The following ATF7IP variants were observed in gnomAD, a reference collection of about 807,000 sequenced individuals.
The protein encoded by ATF7IP is activating transcription factor 7-interacting protein 1.
In ATF7IP, 23 loss-of-function variants were observed where a neutral mutation model predicts 106.4. That is an observed-to-expected ratio of 0.22 (90% CI 0.16 to 0.31). The LOEUF is 0.31. Ranked by LOEUF, ATF7IP falls within the 10% of genes least tolerant of loss-of-function variation. The pLI is 1.00. For synonymous variants in ATF7IP, 542 were observed against 539.0 expected (o/e 1.01, Z -0.08); for missense variants, 1,334 against 1,524.3 (o/e 0.88, Z 2.08).
At chr12:14,438,074 T>C (rs1942497921) in intron 4 of ATF7IP, 56 bp from the exon 5 acceptor site, 1 of 1,559,706 alleles carries the variant, frequency 6.4e-7, no homozygotes, top group African/African-American at 1.4e-5. Context: ...ATATTTACTG[T>C]TTATTGCTTG....
intron 1 of ATF7IP, chr12:14,395,013 G>A (rs1939760334): frequency 6.6e-6 from 1 of 151,962 alleles, no homozygotes; most frequent in African/African-American, 2.4e-5. Context: ...TGTGGTAAAT[G>A]GGATGTATGC....
At chr12:14,493,550 G>A (rs577159380) in intron 13 of ATF7IP, among the ~76,000 whole-genome samples, 30 of 152,250 alleles carry the variant, frequency 2.0e-4, no homozygotes, top group African/African-American at 5.5e-4. Flanking sequence ...GTCAGGGAGT[G>A]GATGTTGCCA....
At chr12:14,412,381 A>G (rs922599202) in intron 1 of ATF7IP, among the ~76,000 whole-genome samples, 2 of 152,198 alleles carry the variant, frequency 1.3e-5, no homozygotes, top group Admixed American at 1.3e-4. Context: ...GAGTGTTGAC[A>G]TCTTAAGGAT....
At chr12:14,366,528 A>T (rs1938301877) in intron 1 of ATF7IP, among the ~76,000 whole-genome samples, 1 of 152,222 alleles carries the variant, frequency 6.6e-6, no homozygotes, top group Admixed American at 6.5e-5. Context: ...TCGAAAATGA[A>T]ATCTCAATCT....
chr12:14,374,972 A>G (rs1014249587), intron 1 of ATF7IP, among the ~76,000 whole-genome samples: 3 of 152,088 alleles, frequency 2.0e-5, no homozygotes, highest in African/African-American at 4.8e-5. Flanking sequence ...TCTTATTGAT[A>G]TATCTGACAA....
Position 14,497,948 on chromosome 12 carries a change from C to G in ATF7IP, c.3688C>G (p.Leu1230Val). 1 of 1,614,180 alleles carries G rather than the reference C, an allele frequency of 6.2e-7. No homozygotes were observed. Among genetic ancestry groups the G allele is most frequent in the Non-Finnish European group, 8.5e-7 (1 of 1,180,028 alleles). The change falls in exon 15 of 15, where the codon CTC becomes GTC. Residue 1230 changes from leucine to valine, a missense_variant. Leu to Val is a conservative substitution (Grantham distance 32). Around this residue, in one of 10 missense-constraint regions of ATF7IP, gnomAD observed 80 missense variants for 157.0 expected, o/e 0.51. Coordinates refer to ENST00000261168, the MANE Select transcript of ATF7IP (RefSeq NM_018179.5). ...KALPLPMACT[L>V]TQFVSGSKYY... ...ACTTCCCTTGCCCATGGCATGTACT[C>G]TCACCCAGTTTGTATCTGGTAGCAA...
rs551954517 is a variant in ATF7IP at position 14,404,062 on chromosome 12, C to T, written c.-7-19847C>T. Among the ~76,000 whole-genome samples the T allele has an allele frequency of 5.6e-4, 84 of 150,906 alleles. 2 individuals are homozygous for T. The highest frequency in any genetic ancestry group is 1.9e-3 in the African/African-American group (79 of 41,092). ...AGAGTCAGTTTTCAGAAATCTGGCTCATAAACATTGGTAATACTAACCCTA... is the reference window on the plus strand; with the variant it reads ...AGAGTCAGTTTTCAGAAATCTGGCTTATAAACATTGGTAATACTAACCCTA... On this transcript the variant is annotated intron_variant, in intron 1 of 14. Coordinates refer to ENST00000261168, the MANE Select transcript of ATF7IP (RefSeq NM_018179.5).
At chr12:14,369,828 G>A (rs1938461538) in intron 1 of ATF7IP, among the ~76,000 whole-genome samples, 1 of 151,934 alleles carries the variant, frequency 6.6e-6, no homozygotes, top group Non-Finnish European at 1.5e-5. Flanking sequence ...TGCTTTGGTA[G>A]CAAACAATTC....
intron 1 of ATF7IP, among the ~76,000 whole-genome samples, chr12:14,385,732 ATATAT>A (rs1224036472): frequency 6.6e-6 from 1 of 152,106 alleles, no homozygotes; most frequent in Non-Finnish European, 1.5e-5. Context: ...AATTAAAACA[ATATAT>A]TATCTGAATA....
chr12:14,430,824 C>T (rs901026649), intron 2 of ATF7IP, among the ~76,000 whole-genome samples: 2 of 152,168 alleles, frequency 1.3e-5, no homozygotes, highest in Non-Finnish European at 2.9e-5. Context: ...TTACATGTCA[C>T]ATAGCACTTA....
In ATF7IP at chr12:14,423,953, A is replaced by G. The variant is rs1358988895; in HGVS notation, c.38A>G (p.Lys13Arg). The change falls in exon 2 of 15, where the codon AAG (lysine) becomes AGG (arginine). Residue 13 changes from lysine to arginine, a missense_variant. Lys to Arg is a conservative substitution (Grantham distance 26). Coordinates refer to ENST00000261168, the MANE Select transcript of ATF7IP (RefSeq NM_018179.5). Reference sequence around the variant, plus strand: ...GAAGAACCTCAGAAAAAAGTCTTTAAGGCTCGAAAAACGATGAGAGTGAGT... The same window carrying G: ...GAAGAACCTCAGAAAAAAGTCTTTAGGGCTCGAAAAACGATGAGAGTGAGT... ...SLEEPQKKVF[K>R]ARKTMRVSDR... The G allele has an allele frequency of 6.2e-7, 1 of 1,611,046 alleles. No homozygotes were observed. Among genetic ancestry groups the G allele is most frequent in the African/African-American group, 1.3e-5 (1 of 74,646 alleles).
chr12:14,447,441 C>T (rs1003255898), intron 6 of ATF7IP, among the ~76,000 whole-genome samples: 4 of 151,934 alleles, frequency 2.6e-5, no homozygotes, highest in African/African-American at 9.7e-5. Flanking sequence ...ACCACCATGC[C>T]TGACTGATTT....
Position 14,372,246 on chromosome 12 carries a change from A to C in ATF7IP, c.-8+6419A>C, listed in dbSNP as rs1414605629. Among the ~76,000 whole-genome samples the C allele has an allele frequency of 5.3e-5, 8 of 152,282 alleles. No homozygotes were observed. In the East Asian group the frequency reaches 1.3e-3, roughly 26 times the overall value. ...GCATTTTAATTTGTTGAAAACAAAGAAAATTAAACTTTTTATAGATGATTC... is the reference window on the plus strand; with the variant it reads ...GCATTTTAATTTGTTGAAAACAAAGCAAATTAAACTTTTTATAGATGATTC... On this transcript the variant is annotated intron_variant, in intron 1 of 14. Transcript: ENST00000261168.
intron 13 of ATF7IP, among the ~76,000 whole-genome samples, chr12:14,494,386 TATA>T (rs1290341756): frequency 2.2e-5 from 3 of 137,944 alleles, no homozygotes; most frequent in Non-Finnish European, 3.1e-5. Context: ...ATAGTATTCA[TATA>T]ATATATACTA....
chr12:14,395,588 C>T (rs940514999), intron 1 of ATF7IP, among the ~76,000 whole-genome samples: 17 of 152,112 alleles, frequency 1.1e-4, no homozygotes, highest in African/African-American at 3.9e-4. Flanking sequence ...TTACTATATT[C>T]TCACTTGTAG....
chr12:14,419,372 A>T (rs1232373829), intron 1 of ATF7IP: 1 of 152,134 alleles, frequency 6.6e-6, no homozygotes, highest in Non-Finnish European at 1.5e-5. Flanking sequence ...GTAAGAGTTC[A>T]TGTTCTTAAT....
intron 13 of ATF7IP, among the ~76,000 whole-genome samples, chr12:14,490,116 T>C (rs191065431): frequency 4.6e-5 from 7 of 152,344 alleles, no homozygotes; most frequent in Admixed American, 4.6e-4. Flanking sequence ...TGGAAGTCCA[T>C]GTTGCTGAGC....
At position 14,411,545 on chromosome 12, in the gene ATF7IP, T is replaced by A. The variant is rs554282820; in HGVS notation, c.-7-12364T>A. Among the ~76,000 whole-genome samples, 314 of 151,100 alleles carry A rather than the reference T, an allele frequency of 2.1e-3. 1 individual carries two copies. The highest frequency in any genetic ancestry group is 9.5e-3 in the East Asian group (49 of 5,152). On this transcript the variant is annotated intron_variant, in intron 1 of 14. Coordinates refer to ENST00000261168, the MANE Select transcript of ATF7IP (RefSeq NM_018179.5). ...AGAACTTAAAGTATAATAATAATTT[T>A]AAAAAAAACAGAAAAAGAAAAAAAA...
chr12:14,386,467 A>C (rs182921355), intron 1 of ATF7IP, among the ~76,000 whole-genome samples: 231 of 152,270 alleles, frequency 1.5e-3, no homozygotes, highest in Non-Finnish European at 2.7e-3. Context: ...TCCCTGACTT[A>C]TATGACATAG....
Sources: allele counts gnomAD v4.1 joint callset (sites outside exome capture counted in the v4.1 genomes callset), GRCh38; gene constraint gnomAD v4.1.1; regional missense constraint gnomAD v4.1.1; transcripts MANE v1.5; gene names NCBI Gene and HGNC (gene_info 2026-07-23, HGNC 2026-07-21).